CDH4: variants seen among roughly 807,000 people sequenced by gnomAD.
CDH4 encodes the protein cadherin-4.
In CDH4, 33 loss-of-function variants were observed where a neutral mutation model predicts 86.0. The ratio of observed to expected loss-of-function variants is 0.38; its 90% CI spans 0.29 to 0.51. CDH4 has a LOEUF of 0.51. CDH4 is among the 20% of genes least tolerant of loss of function. CDH4 has a pLI of 0.86. For synonymous variants in CDH4, 555 were observed against 549.4 expected, an observed-to-expected ratio of 1.01 and a Z score of -0.14; for missense variants, 1,114 against 1,307.4, an observed-to-expected ratio of 0.85 and a Z score of 2.28.
intron 2 of CDH4, among the ~76,000 whole-genome samples, chr20:61,504,524 G>T (rs774793140): frequency 3.3e-5 from 5 of 152,124 alleles, no homozygotes; most frequent in Admixed American, 1.3e-4. Flanking sequence ...GCCCATAGAG[G>T]TTGTGACTGC....
Position 61,270,450 on chromosome 20 carries a change from G to A in CDH4, c.169+15513G>A, listed in dbSNP as rs367567542. Among the ~76,000 whole-genome samples the A allele has an allele frequency of 2.6e-5, 4 of 152,184 alleles. No homozygotes were observed. The East Asian group carries it at 7.7e-4, about 29-fold the overall frequency. ...ATGGAATACCAGTGCTGGGCCGAAG[G>A]CTATAAAATTGTGATCAAGAGTCCG... On this transcript the variant is annotated intron_variant, in intron 2 of 15. Coordinates refer to ENST00000614565, the MANE Select transcript of CDH4 (RefSeq NM_001794.5).
chr20:61,929,638 CTG>C lies in CDH4; in HGVS notation c.2037_2038del (p.Tyr680ProfsTer7). 1 of 1,614,082 alleles carries C rather than the reference CTG, an allele frequency of 6.2e-7. No individual in the cohort carries two copies. Among genetic ancestry groups the C allele is most frequent in the Non-Finnish European group, 8.5e-7 (1 of 1,180,032 alleles). ...GDYAQLSLRI[L>X]YLEAGMYDVP... ...CTATGCCCAACTCAGCTTGCGCATCCTGTACCTGGAGGCCGGGATGTATGACG... is the reference window on the plus strand; with the variant it reads ...CTATGCCCAACTCAGCTTGCGCATCCTACCTGGAGGCCGGGATGTATGACG... On this transcript the variant is annotated frameshift_variant, in exon 13 of 16. Coordinates refer to ENST00000614565, the MANE Select transcript of CDH4 (RefSeq NM_001794.5). LOFTEE classifies it high-confidence loss of function.
At chr20:61,687,675 A>T (rs997929209) in intron 2 of CDH4, among the ~76,000 whole-genome samples, 2 of 152,256 alleles carry the variant, frequency 1.3e-5, no homozygotes, top group Non-Finnish European at 2.9e-5. Context: ...CAAGTAAATG[A>T]TTCGGAAATT....
At chr20:61,298,423 A>G (rs2084368535) in intron 2 of CDH4, among the ~76,000 whole-genome samples, 1 of 151,918 alleles carries the variant, frequency 6.6e-6, no homozygotes, top group Non-Finnish European at 1.5e-5. Context: ...CTTCTCCCCC[A>G]CACCCCTTCC....
At chr20:61,384,987 T>G (rs2084943179) in intron 2 of CDH4, among the ~76,000 whole-genome samples, 1 of 152,226 alleles carries the variant, frequency 6.6e-6, no homozygotes, top group Non-Finnish European at 1.5e-5. Flanking sequence ...GGGATATCAC[T>G]GGTGAGAATC....
chr20:61,849,714 C>G (rs565889601), intron 5 of CDH4, among the ~76,000 whole-genome samples: 3 of 152,196 alleles, frequency 2.0e-5, no homozygotes, highest in African/African-American at 7.2e-5. Context: ...TGCCTCGGCA[C>G]GTGTCTCCTC....
At chr20:61,851,828 G>A (rs970998049) in intron 5 of CDH4, among the ~76,000 whole-genome samples, 1 of 152,082 alleles carries the variant, frequency 6.6e-6, no homozygotes, top group Non-Finnish European at 1.5e-5. Context: ...CACACCCACT[G>A]ATGGCTTCTT....
intron 2 of CDH4, among the ~76,000 whole-genome samples, chr20:61,299,504 G>T (rs956832342): frequency 2.0e-5 from 3 of 152,242 alleles, no homozygotes; most frequent in Non-Finnish European, 4.4e-5. Context: ...AAATATGCTG[G>T]AAGAAAAATG....
At chr20:61,798,263 G>A (rs1250008259) in intron 4 of CDH4, among the ~76,000 whole-genome samples, 1 of 150,136 alleles carries the variant, frequency 6.7e-6, no homozygotes, top group African/African-American at 2.4e-5. Context: ...CGCAGCAACA[G>A]AGGGGAGGGG....
At chr20:61,817,475 G>A (rs1980778090) in intron 4 of CDH4, among the ~76,000 whole-genome samples, 1 of 152,178 alleles carries the variant, frequency 6.6e-6, no homozygotes, top group Non-Finnish European at 1.5e-5. Flanking sequence ...GCCCACACAA[G>A]ACGCGGAAAG....
chr20:61,386,658 T>C (rs1373180151), intron 2 of CDH4, among the ~76,000 whole-genome samples: 1 of 152,212 alleles, frequency 6.6e-6, no homozygotes, highest in Non-Finnish European at 1.5e-5. Flanking sequence ...TGAAATGTGT[T>C]ATGTTCCCCT....
intron 2 of CDH4, among the ~76,000 whole-genome samples, chr20:61,735,302 C>T (rs193229222): frequency 5.9e-5 from 9 of 152,336 alleles, no homozygotes; most frequent in Non-Finnish European, 8.8e-5. Flanking sequence ...ATTCACATAA[C>T]GTAAATGTCC....
At chr20:61,293,860 G>C (rs1035212668) in intron 2 of CDH4, among the ~76,000 whole-genome samples, 3 of 152,194 alleles carry the variant, frequency 2.0e-5, no homozygotes, top group African/African-American at 7.2e-5. Flanking sequence ...TCCTGGGGTG[G>C]GAGGTGGTTT....
At chr20:61,780,464 G>A (rs1978479494) in intron 4 of CDH4, among the ~76,000 whole-genome samples, 2 of 152,140 alleles carry the variant, frequency 1.3e-5, no homozygotes, top group South Asian at 4.1e-4. Flanking sequence ...TAAACCTAAA[G>A]CTCCTTGAGG....
chr20:61,382,254 G>A (rs909087025), intron 2 of CDH4, among the ~76,000 whole-genome samples: 18 of 152,158 alleles, frequency 1.2e-4, no homozygotes, highest in African/African-American at 2.7e-4. Flanking sequence ...CTGCCTGGCC[G>A]CCTAATGGAA....
At chr20:61,857,522 A>G (rs960193721) in intron 6 of CDH4, among the ~76,000 whole-genome samples, 2 of 152,148 alleles carry the variant, frequency 1.3e-5, no homozygotes, top group African/African-American at 4.8e-5. Context: ...GTTTCCAGCG[A>G]GGCCTGAGGC....
At chr20:61,934,466 A>G (rs2055154981) in intron 15 of CDH4, among the ~76,000 whole-genome samples, 1 of 152,122 alleles carries the variant, frequency 6.6e-6, no homozygotes, top group African/African-American at 2.4e-5. Context: ...GGATCAACAC[A>G]CAGGGCCGGG....
chr20:61,294,893 A>C (rs1298384715), intron 2 of CDH4, among the ~76,000 whole-genome samples: 1 of 152,240 alleles, frequency 6.6e-6, no homozygotes, highest in Non-Finnish European at 1.5e-5. Context: ...CATCGGGCAC[A>C]GGGTCACCCA....
intron 4 of CDH4, among the ~76,000 whole-genome samples, chr20:61,804,600 T>C (rs1218752773): frequency 6.6e-6 from 1 of 152,250 alleles, no homozygotes; most frequent in Admixed American, 6.5e-5. Flanking sequence ...GCATCCCTCC[T>C]GTCTCCTCTG....
Sources: gnomAD v4.1 joint callset for allele counts (sites outside exome capture counted in the v4.1 genomes callset) on GRCh38, gnomAD v4.1.1 for gene constraint, MANE v1.5 for transcripts, NCBI Gene and HGNC (gene_info 2026-07-23, HGNC 2026-07-21) for gene names.